KPNA6: variants seen among roughly 807,000 people sequenced by gnomAD.
KPNA6 encodes karyopherin subunit alpha 6.
Under a neutral mutation model 72.0 loss-of-function variants are expected in KPNA6, and 9 were observed. The ratio of observed to expected loss-of-function variants is 0.13; its 90% CI spans 0.08 to 0.22. The LOEUF is 0.22. Among genes scored for constraint, KPNA6 ranks in the 10% least tolerant of loss-of-function variants. KPNA6 has a pLI of 1.00. For synonymous variants in KPNA6, 219 were observed against 242.1 expected (o/e 0.90, Z 0.89); for missense variants, 374 against 655.7 (o/e 0.57, Z 4.69).
chr1:32,128,390 TATATATATATATA>T (rs1557462556), intron 1 of KPNA6, among the ~76,000 whole-genome samples: 7 of 36,836 alleles, frequency 1.9e-4, no homozygotes, highest in African/African-American at 8.4e-4. Context: ...TATGTATTTA[TATATATATATATA>T]TATATATATA....
intron 1 of KPNA6, among the ~76,000 whole-genome samples, chr1:32,131,428 C>T (rs1248268498): frequency 6.6e-6 from 1 of 152,120 alleles, no homozygotes; most frequent in Non-Finnish European, 1.5e-5. Context: ...GCAGGAAGAT[C>T]ACTTGAGCCC....
chr1:32,147,633 C>T (rs1410349387), intron 1 of KPNA6, among the ~76,000 whole-genome samples: 1 of 135,120 alleles, frequency 7.4e-6, no homozygotes, highest in Non-Finnish European at 1.6e-5. Context: ...TGCCTTCTGA[C>T]TTTCGTGATT....
chr1:32,156,174 C>T (rs1331300884), intron 2 of KPNA6, among the ~76,000 whole-genome samples: 2 of 151,850 alleles, frequency 1.3e-5, no homozygotes, highest in Non-Finnish European at 2.9e-5. Flanking sequence ...GTGATCTTGG[C>T]CCACTGCTGC....
intron 2 of KPNA6, among the ~76,000 whole-genome samples, chr1:32,156,475 A>C (rs1642145035): frequency 6.6e-6 from 1 of 152,162 alleles, no homozygotes; most frequent in Admixed American, 6.5e-5. Context: ...CTGATAACCA[A>C]GTTGGTTATT....
chr1:32,140,582 A>C (rs1334623779), intron 1 of KPNA6, among the ~76,000 whole-genome samples: 1 of 152,238 alleles, frequency 6.6e-6, no homozygotes, highest in African/African-American at 2.4e-5. Flanking sequence ...ATATTGTACT[A>C]TATCAAACTT....
In KPNA6 at chr1:32,160,703, C is replaced by T. The variant is rs769748870; in HGVS notation, c.647C>T (p.Thr216Ile). Residue 216 changes from threonine (T) to isoleucine (I), a missense_variant and splice_region_variant, in exon 7 of 14, where the codon ACA (threonine) becomes ATA (isoleucine). Physicochemically the swap from Thr to Ile is moderately conservative, Grantham distance 89. Coordinates refer to ENST00000373625, the MANE Select transcript of KPNA6 (RefSeq NM_012316.5). ...TGTTCCATCCTTAATCCTTTGTTAA[C>T]GTGAGTAATTATAATCATCTGTACC... ...LNCSILNPLL[T>I]LLTKSTRLTM... 33 of 1,611,042 alleles carry T rather than the reference C, an allele frequency of 2.0e-5. No homozygotes were observed. The highest frequency in any genetic ancestry group is 1.5e-4 in the Admixed American group (9 of 59,966).
At chr1:32,144,441 A>G (rs959396801) in intron 1 of KPNA6, among the ~76,000 whole-genome samples, 2 of 152,218 alleles carry the variant, frequency 1.3e-5, no homozygotes, top group African/African-American at 2.4e-5. Context: ...GCAAAACTGA[A>G]TAAGGGAGAA....
intron 8 of KPNA6, 117 bp from the exon 9 acceptor site, chr1:32,162,244 G>T: frequency 1.9e-6 from 2 of 1,058,616 alleles, no homozygotes; most frequent in South Asian, 1.5e-5. Context: ...CGATCCCTAG[G>T]GTCTGGAATT....
intron 1 of KPNA6, among the ~76,000 whole-genome samples, chr1:32,110,120 A>G (rs1273009023): frequency 7.3e-6 from 1 of 137,324 alleles, no homozygotes; most frequent in Non-Finnish European, 1.5e-5. Context: ...GCTGGAGTGC[A>G]GTGGCCAGAT....
At chr1:32,167,889 G>A (rs900079436) in intron 12 of KPNA6, among the ~76,000 whole-genome samples, 1 of 151,886 alleles carries the variant, frequency 6.6e-6, no homozygotes, top group African/African-American at 2.4e-5. Flanking sequence ...CAAGCAAGCT[G>A]GTGTAGTGGC....
At chr1:32,158,901 G>T (rs1642190283) in intron 5 of KPNA6, among the ~76,000 whole-genome samples, 1 of 152,164 alleles carries the variant, frequency 6.6e-6, no homozygotes, top group South Asian at 2.1e-4. Flanking sequence ...TAAATCAGAG[G>T]CTATAGTCCA....
At chr1:32,147,985 T>C (rs1251974907) in intron 1 of KPNA6, among the ~76,000 whole-genome samples, 1 of 152,178 alleles carries the variant, frequency 6.6e-6, no homozygotes, top group Admixed American at 6.6e-5. Flanking sequence ...TAATTTCGAA[T>C]GAGAAATCAC....
intron 9 of KPNA6, 47 bp from the exon 10 acceptor site, chr1:32,163,188 C>T: frequency 2.4e-6 from 3 of 1,259,304 alleles, no homozygotes; most frequent in Non-Finnish European, 3.5e-6. Flanking sequence ...ATCAGCAGGG[C>T]CGAAAATGGT....
chr1:32,167,273 A>G lies in KPNA6; in HGVS notation c.1221A>G (p.Ser407=), dbSNP rs761912139. Residue 407 remains serine (S), a synonymous_variant, in exon 12 of 14, where the codon TCA becomes TCG. Coordinates refer to ENST00000373625, the MANE Select transcript of KPNA6 (RefSeq NM_012316.5). ...EAAWAITNAT[S]GGTPEQIRYL... is the part of the protein sequence containing the mutation. ...CCTGGGCCATCACCAATGCCACATC[A>G]GGAGGAACCCCTGAGCAGATCAGGT... 1.2e-6 allele frequency: 2 copies of G among 1,614,166 alleles called. No homozygotes were observed. The highest frequency in any genetic ancestry group is 2.2e-5 in the East Asian group (1 of 44,862).
chr1:32,113,426 G>A (rs1641273411), intron 1 of KPNA6, among the ~76,000 whole-genome samples: 1 of 151,966 alleles, frequency 6.6e-6, no homozygotes, highest in South Asian at 2.1e-4. Context: ...GTCATTTCAT[G>A]TATGTGTGTA....
At chr1:32,145,741 T>C (rs540496442) in intron 1 of KPNA6, among the ~76,000 whole-genome samples, 11 of 140,772 alleles carry the variant, frequency 7.8e-5, no homozygotes, top group Non-Finnish European at 1.3e-4. Context: ...GCCGTAGATG[T>C]AAGGGTTTAT....
intron 1 of KPNA6, among the ~76,000 whole-genome samples, chr1:32,131,466 A>G (rs1641634306): frequency 6.6e-6 from 1 of 152,122 alleles, no homozygotes. Flanking sequence ...CTGGGCAACA[A>G]AGTGAGACCC....
At chr1:32,109,002 G>A (rs1414964590) in intron 1 of KPNA6, among the ~76,000 whole-genome samples, 1 of 152,190 alleles carries the variant, frequency 6.6e-6, no homozygotes, top group African/African-American at 2.4e-5. Context: ...GCATTGTTCT[G>A]ATTGCTTTAC....
chr1:32,139,685 T>C (rs1261278980), intron 1 of KPNA6, among the ~76,000 whole-genome samples: 1 of 152,170 alleles, frequency 6.6e-6, no homozygotes, highest in African/African-American at 2.4e-5. Flanking sequence ...AGGATGGACA[T>C]TATAGATTAA....
Sources: gnomAD v4.1 joint callset for allele counts (sites outside exome capture counted in the v4.1 genomes callset) on GRCh38, gnomAD v4.1.1 for gene constraint, MANE v1.5 for transcripts, NCBI Gene and HGNC (gene_info 2026-07-23, HGNC 2026-07-21) for gene names.